Variants in ERGIC1 observed in about 807,000 individuals in gnomAD.
The protein encoded by ERGIC1 is endoplasmic reticulum-Golgi intermediate compartment protein 1.
Under a neutral mutation model 38.3 loss-of-function variants are expected in ERGIC1, and 19 were observed. The observed-to-expected ratio is 0.50, with a 90% confidence interval of 0.35 to 0.73. The LOEUF is 0.73. Among genes scored for constraint, ERGIC1 ranks in the 30% least tolerant of loss-of-function variants. The pLI is 0.01. For synonymous variants in ERGIC1, 124 were observed against 157.6 expected, an observed-to-expected ratio of 0.79 and a Z score of 1.60; for missense variants, 294 against 389.2, an observed-to-expected ratio of 0.76 and a Z score of 2.06.
rs1236913947 is a variant in ERGIC1, at chr5:172,926,509, G to C, written c.481G>C (p.Val161Leu). ...HKLSFGDTLQ[V>L]QNIHGAFNAL... is the part of the protein sequence containing the mutation. Reference sequence around the variant, plus strand: ...ATCCCCTCACTGCATTTTTCCACAGGTCCAGAACATCCACGGAGCTTTCAA... The same window carrying C: ...ATCCCCTCACTGCATTTTTCCACAGCTCCAGAACATCCACGGAGCTTTCAA... The change falls in exon 7 of 10, where the codon GTC (valine) becomes CTC (leucine). Residue 161 changes from valine (V) to leucine (L), a missense_variant and splice_region_variant. Transcript: ENST00000393784. This position sits in a 1 kb window ranked among gnomAD's most constrained non-coding sequence, Gnocchi z 5.2. 4 of 1,613,758 alleles carry C rather than the reference G, an allele frequency of 2.5e-6. No individual in the cohort carries two copies. Among genetic ancestry groups the C allele is most frequent in the Non-Finnish European group, 3.4e-6 (4 of 1,180,026 alleles).
At chr5:172,923,890 C>G in intron 5 of ERGIC1, 115 bp from the exon 6 acceptor site, 1 of 920,962 alleles carries the variant, frequency 1.1e-6, no homozygotes, top group East Asian at 2.6e-5. Flanking sequence ...AAGCAGGATC[C>G]AAACCCAGAT....
intron 5 of ERGIC1, chr5:172,915,513 C>T: frequency 2.2e-6 from 1 of 462,616 alleles, no homozygotes; most frequent in Non-Finnish European, 4.5e-6. Flanking sequence ...TTGTTTTGTC[C>T]TCAGAACCAG....
chr5:172,889,372 T>G (rs1286890121), intron 2 of ERGIC1, among the ~76,000 whole-genome samples: 3 of 152,016 alleles, frequency 2.0e-5, no homozygotes, highest in Admixed American at 1.3e-4. Context: ...TAAAAATGAT[T>G]TGAGTTTTCC....
intron 1 of ERGIC1, among the ~76,000 whole-genome samples, chr5:172,848,948 A>T (rs1761340880): frequency 6.6e-6 from 1 of 152,182 alleles, no homozygotes; most frequent in African/African-American, 2.4e-5. Flanking sequence ...CCCACTACCT[A>T]TCCTGATGGG....
chr5:172,873,216 G>C (rs1005842060), intron 1 of ERGIC1, among the ~76,000 whole-genome samples: 13 of 152,236 alleles, frequency 8.5e-5, no homozygotes, highest in Non-Finnish European at 5.9e-5. Context: ...ACAGGATGTT[G>C]TTCTATCCCG....
intron 1 of ERGIC1, among the ~76,000 whole-genome samples, chr5:172,877,043 T>TA (rs1762153085): frequency 6.6e-6 from 1 of 152,242 alleles, no homozygotes; most frequent in African/African-American, 2.4e-5. Context: ...AACCTAAACT[T>TA]ACAAAGATAT....
At chr5:172,949,655 C>CA (rs748161981) in intron 9 of ERGIC1, among the ~76,000 whole-genome samples, 2 of 142,498 alleles carry the variant, frequency 1.4e-5, no homozygotes, top group East Asian at 2.1e-4. Context: ...CACAGCGTGG[C>CA]GGGGGGGGGT....
At chr5:172,939,362 G>C (rs1417850586) in intron 9 of ERGIC1, among the ~76,000 whole-genome samples, 1 of 152,230 alleles carries the variant, frequency 6.6e-6, no homozygotes, top group East Asian at 1.9e-4. Context: ...GATGGGCCTT[G>C]AGCTGAGGAG....
At chr5:172,848,080 C>T (rs1430486047) in intron 1 of ERGIC1, among the ~76,000 whole-genome samples, 2 of 152,186 alleles carry the variant, frequency 1.3e-5, no homozygotes, top group Non-Finnish European at 2.9e-5. Flanking sequence ...GAGGCTTTCT[C>T]GTTGATATTC....
intron 1 of ERGIC1, among the ~76,000 whole-genome samples, chr5:172,836,947 T>G (rs1352870715): frequency 6.6e-6 from 1 of 152,172 alleles, no homozygotes; most frequent in African/African-American, 2.4e-5. Context: ...GTGCATGAGC[T>G]GGTGGATCTG....
chr5:172,927,034 T>C (rs2446190), intron 7 of ERGIC1: 67,924 of 172,690 alleles, frequency 0.39, 14,146 homozygotes, highest in African/African-American at 0.49. Context: ...CTCCCATCGA[T>C]AGTGGCTCCT....
intron 5 of ERGIC1, chr5:172,916,189 C>T (rs1390642564): frequency 6.6e-6 from 1 of 152,358 alleles, no homozygotes; most frequent in Non-Finnish European, 1.5e-5. Context: ...CCCTTAAGTG[C>T]TAAAGCAGAA....
chr5:172,918,510 GAGGAAGCAA>G (rs1421095500), intron 5 of ERGIC1, among the ~76,000 whole-genome samples: 6 of 152,366 alleles, frequency 3.9e-5, no homozygotes, highest in Admixed American at 6.5e-5. Flanking sequence ...GAACAGGAAG[GAGGAAGCAA>G]AGGCTGGGCG....
chr5:172,844,858 C>T (rs1176643030), intron 1 of ERGIC1, among the ~76,000 whole-genome samples: 1 of 152,228 alleles, frequency 6.6e-6, no homozygotes, highest in African/African-American at 2.4e-5. Flanking sequence ...CCTTCAATAC[C>T]TTCGTCCCCG....
rs1362141722 is a variant in ERGIC1, at chr5:172,837,186, T to C, written c.20+2753T>C. Among the ~76,000 whole-genome samples the C allele has an allele frequency of 1.3e-5, 2 of 152,174 alleles. No homozygotes were observed. The highest frequency in any genetic ancestry group is 4.8e-5 in the African/African-American group (2 of 41,434). On this transcript the variant is annotated intron_variant, in intron 1 of 9. Coordinates refer to ENST00000393784, the MANE Select transcript of ERGIC1 (RefSeq NM_001031711.3). The surrounding 1 kb of genome is among the most constrained non-coding windows in gnomAD (Gnocchi z 4.3). ...AGGAAAAATAGTGCACTCTTGCCCT[T>C]CCCTACGGATACTTCTGATTTTCTT...
intron 3 of ERGIC1, among the ~76,000 whole-genome samples, chr5:172,901,917 G>C (rs1263679942): frequency 6.6e-6 from 1 of 152,144 alleles, no homozygotes; most frequent in Non-Finnish European, 1.5e-5. Context: ...ACTTCATGAT[G>C]GTCATCTCAT....
At chr5:172,875,999 T>C (rs1252822512) in intron 1 of ERGIC1, among the ~76,000 whole-genome samples, 1 of 152,232 alleles carries the variant, frequency 6.6e-6, no homozygotes, top group Non-Finnish European at 1.5e-5. Flanking sequence ...GGAGCCTTGA[T>C]TAGGCTCAGG....
In ERGIC1 at chr5:172,950,989, C is replaced by A; in HGVS notation, c.*173C>A. 1 of 532,564 alleles carries A rather than the reference C, an allele frequency of 1.9e-6. No individual in the cohort carries two copies. Among genetic ancestry groups the A allele is most frequent in the East Asian group, 3.3e-5 (1 of 30,640 alleles). 33.0% of individuals were successfully genotyped at this position (532,564 alleles called of 1,614,324 possible). On this transcript the variant is annotated 3_prime_UTR_variant, in exon 10 of 10. Transcript: ENST00000393784. Reference sequence around the variant, plus strand: ...ATGTTTTGCAGCTACCTCTTTTCCCCGTGTTTCTTTTTAGACAAATTACAC... The same window carrying A: ...ATGTTTTGCAGCTACCTCTTTTCCCAGTGTTTCTTTTTAGACAAATTACAC...
intron 1 of ERGIC1, among the ~76,000 whole-genome samples, chr5:172,843,005 A>G (rs1417222505): frequency 2.6e-5 from 4 of 152,076 alleles, no homozygotes; most frequent in African/African-American, 9.7e-5. Flanking sequence ...TTAGCTGGGC[A>G]TGGTGGTATG....
Sources: gnomAD v4.1 joint callset for allele counts (sites outside exome capture counted in the v4.1 genomes callset) on GRCh38, gnomAD v4.1.1 for gene constraint, Gnocchi (gnomAD v3.1) non-coding constraint, MANE v1.5 for transcripts, NCBI Gene and HGNC (gene_info 2026-07-23, HGNC 2026-07-21) for gene names.